PCSK2: variants seen among roughly 807,000 people sequenced by gnomAD.
The protein encoded by PCSK2 is neuroendocrine convertase 2.
A neutral mutation model predicts 69.7 loss-of-function variants in PCSK2; 14 were observed. That is an observed-to-expected ratio of 0.20 (90% CI 0.13 to 0.31). The LOEUF (loss-of-function observed/expected upper bound fraction) is 0.31, where lower values mean the gene tolerates loss of function less well. PCSK2 is among the 10% of genes least tolerant of loss of function. The probability of loss-of-function intolerance (pLI) is 1.00; values close to 1 mark genes in which losing one functional copy is unlikely to be tolerated. For synonymous variants in PCSK2, 307 were observed against 320.7 expected, an observed-to-expected ratio of 0.96 and a Z score of 0.46; for missense variants, 544 against 842.5, an observed-to-expected ratio of 0.65 and a Z score of 4.39.
intron 2 of PCSK2, among the ~76,000 whole-genome samples, chr20:17,330,274 A>G (rs2123149857): frequency 6.6e-6 from 1 of 152,182 alleles, no homozygotes; most frequent in Non-Finnish European, 1.5e-5. Flanking sequence ...TCTATGTGAG[A>G]GAGAGACTGT....
intron 2 of PCSK2, among the ~76,000 whole-genome samples, chr20:17,353,463 C>G (rs1424366377): frequency 1.6e-4 from 20 of 126,456 alleles, no homozygotes; most frequent in Admixed American, 5.5e-4. Context: ...GACTCCATCA[C>G]ACAAAAAAAA....
chr20:17,325,790 G>C (rs1990029299), intron 2 of PCSK2, among the ~76,000 whole-genome samples: 1 of 151,930 alleles, frequency 6.6e-6, no homozygotes, highest in East Asian at 1.9e-4. Context: ...GCCCAGGCAT[G>C]TTATTCTCAA....
At chr20:17,273,538 T>G (rs532325121) in intron 2 of PCSK2, among the ~76,000 whole-genome samples, 2 of 152,190 alleles carry the variant, frequency 1.3e-5, no homozygotes, top group East Asian at 3.8e-4. Flanking sequence ...AAGGTGATAG[T>G]GTCACCTACT....
intron 2 of PCSK2, among the ~76,000 whole-genome samples, chr20:17,333,676 G>A (rs994395538): frequency 5.3e-5 from 8 of 151,984 alleles, no homozygotes; most frequent in African/African-American, 1.9e-4. Flanking sequence ...AGTCTCTGGG[G>A]CCACTTCATG....
chr20:17,335,462 T>TGTGTGTGTGTGTGTGTGTGTGTG (rs1555789125), intron 2 of PCSK2, among the ~76,000 whole-genome samples: 1 of 151,128 alleles, frequency 6.6e-6, no homozygotes, highest in African/African-American at 2.4e-5. Context: ...TGTGTGTGTG[T>TGTGTGTGTGTGTGTGTGTGTGTG]TCCTTGTCTA....
chr20:17,404,846 C>T (rs976754930), intron 5 of PCSK2, among the ~76,000 whole-genome samples: 2 of 152,202 alleles, frequency 1.3e-5, no homozygotes, highest in African/African-American at 4.8e-5. Context: ...ATACTTTAGG[C>T]TTTGTGGGGT....
intron 2 of PCSK2, among the ~76,000 whole-genome samples, chr20:17,277,557 CA>C (rs1274073815): frequency 1.3e-5 from 2 of 151,980 alleles, no homozygotes; most frequent in South Asian, 4.2e-4. Context: ...ACACCTTATA[CA>C]AAAATTAATT....
At chr20:17,336,241 T>C (rs1600501529) in intron 2 of PCSK2, among the ~76,000 whole-genome samples, 1 of 152,242 alleles carries the variant, frequency 6.6e-6, no homozygotes, top group East Asian at 1.9e-4. Context: ...TTGCTGCCTC[T>C]GAGCTGGAAA....
At chr20:17,426,549 T>A (rs1166265049) in intron 6 of PCSK2, among the ~76,000 whole-genome samples, 2 of 152,172 alleles carry the variant, frequency 1.3e-5, no homozygotes, top group Non-Finnish European at 2.9e-5. Context: ...TGTATACATA[T>A]AAAAAGAGGT....
intron 6 of PCSK2, among the ~76,000 whole-genome samples, chr20:17,414,543 A>C (rs2031953534): frequency 6.6e-6 from 1 of 152,238 alleles, no homozygotes; most frequent in African/African-American, 2.4e-5. Flanking sequence ...GCAATAATTA[A>C]TAGCCTACCA....
At chr20:17,461,361 A>G (rs1407162436) in intron 10 of PCSK2, among the ~76,000 whole-genome samples, 1 of 152,212 alleles carries the variant, frequency 6.6e-6, no homozygotes, top group Non-Finnish European at 1.5e-5. Flanking sequence ...AATTTAGAGG[A>G]TAGACTCAGA....
chr20:17,239,446 A>AG (rs1986470556), intron 1 of PCSK2, among the ~76,000 whole-genome samples: 1 of 151,780 alleles, frequency 6.6e-6, no homozygotes. Context: ...CAGTAGCAGC[A>AG]CTTTAGGCAG....
At position 17,328,917 on chromosome 20, in the gene PCSK2, C is replaced by T. The variant is rs73900210; in HGVS notation, c.283-29410C>T. Reference sequence around the variant, plus strand: ...GTATCTAAACTTTGCCAGAACACAGCAAACAGCAGAGCTAAGACATCCTGT... The same window carrying T: ...GTATCTAAACTTTGCCAGAACACAGTAAACAGCAGAGCTAAGACATCCTGT... On this transcript the variant is annotated intron_variant, in intron 2 of 11. Transcript: ENST00000262545. 3.0e-3 allele frequency among the ~76,000 whole-genome samples: 452 copies of T among 152,308 alleles called. 3 individuals carry two copies. Among genetic ancestry groups the T allele is most frequent in the African/African-American group, 0.01 (436 of 41,566 alleles).
At chr20:17,353,359 G>A (rs1477759130) in intron 2 of PCSK2, among the ~76,000 whole-genome samples, 3 of 151,874 alleles carry the variant, frequency 2.0e-5, no homozygotes, top group African/African-American at 7.3e-5. Context: ...CAGCTACTCG[G>A]GTGGCTGAGG....
In PCSK2 at chr20:17,238,665, C is replaced by T. The variant is rs188661218; in HGVS notation, c.177+11183C>T. 1.1e-4 allele frequency among the ~76,000 whole-genome samples: 16 copies of T among 152,262 alleles called. No individual in the cohort carries two copies. The East Asian group carries it at 1.9e-3, about 18-fold the overall frequency. On this transcript the variant is annotated intron_variant, in intron 1 of 11. Transcript: ENST00000262545. ...TGAGACTCCTATAAGTGATTAGCCACATACACCAACTTGGTCTGACCATAC... is the reference window on the plus strand; with the variant it reads ...TGAGACTCCTATAAGTGATTAGCCATATACACCAACTTGGTCTGACCATAC...
chr20:17,260,387 T>C (rs954310326), intron 2 of PCSK2, 43 bp downstream of exon 2: 5 of 1,361,414 alleles, frequency 3.7e-6, no homozygotes, highest in Non-Finnish European at 4.2e-6. Context: ...TCTGCTGCCA[T>C]GGCTGAGCCC....
intron 2 of PCSK2, among the ~76,000 whole-genome samples, chr20:17,352,956 T>C (rs1183071889): frequency 6.6e-6 from 1 of 151,888 alleles, no homozygotes. Flanking sequence ...GACAAAAATC[T>C]AATACCTAGA....
chr20:17,312,365 A>G (rs1254787131), intron 2 of PCSK2, among the ~76,000 whole-genome samples: 1 of 152,200 alleles, frequency 6.6e-6, no homozygotes, highest in East Asian at 1.9e-4. Context: ...TTGAGGGCCA[A>G]TAACAACCTA....
chr20:17,242,156 A>G (rs184308695), intron 1 of PCSK2, among the ~76,000 whole-genome samples: 34 of 152,354 alleles, frequency 2.2e-4, no homozygotes, highest in Admixed American at 9.1e-4. Context: ...TTTCCTGCTT[A>G]TGGGGAAGAG....
Sources: allele counts gnomAD v4.1 joint callset (sites outside exome capture counted in the v4.1 genomes callset), GRCh38; gene constraint gnomAD v4.1.1; transcripts MANE v1.5; gene names NCBI Gene and HGNC (gene_info 2026-07-23, HGNC 2026-07-21).